SEZ6L: variants seen among roughly 807,000 people sequenced by gnomAD.
The protein encoded by SEZ6L is seizure 6-like protein.
In SEZ6L, 37 loss-of-function variants were observed where a neutral mutation model predicts 106.2. That is an observed-to-expected ratio of 0.35 (90% CI 0.27 to 0.46). SEZ6L has a LOEUF of 0.46. Among genes scored for constraint, SEZ6L ranks in the 20% least tolerant of loss-of-function variants. The pLI, the probability that SEZ6L is intolerant of heterozygous loss-of-function variation, is 1.00. For missense variants in SEZ6L, 1,172 were observed against 1,332.8 expected (o/e 0.88, Z 1.88); for synonymous variants, 541 against 570.4 (o/e 0.95, Z 0.73).
At chr22:26,305,007 T>C (rs1267825550) in intron 5 of SEZ6L, among the ~76,000 whole-genome samples, 1 of 152,230 alleles carries the variant, frequency 6.6e-6, no homozygotes, top group East Asian at 1.9e-4. Flanking sequence ...AGCCTATTGC[T>C]TCTCCGCTAC....
chr22:26,369,573 C>CTCG (rs1353154229), intron 13 of SEZ6L, among the ~76,000 whole-genome samples: 2 of 151,604 alleles, frequency 1.3e-5, no homozygotes, highest in Non-Finnish European at 2.9e-5. Flanking sequence ...ATCTCCTGAC[C>CTCG]TCGTGATTCG....
intron 1 of SEZ6L, among the ~76,000 whole-genome samples, chr22:26,236,619 G>A (rs996103667): frequency 2.6e-5 from 4 of 152,062 alleles, no homozygotes; most frequent in African/African-American, 9.7e-5. Flanking sequence ...TCAAATCTGG[G>A]GTCCCCCTGA....
intron 16 of SEZ6L, among the ~76,000 whole-genome samples, chr22:26,378,622 A>G (rs1257405497): frequency 6.6e-6 from 1 of 152,194 alleles, no homozygotes; most frequent in Non-Finnish European, 1.5e-5. Flanking sequence ...TCATTGAGAA[A>G]GTGAGAGTAA....
intron 1 of SEZ6L, among the ~76,000 whole-genome samples, chr22:26,285,663 G>A (rs1419798594): frequency 3.9e-5 from 6 of 152,148 alleles, no homozygotes; most frequent in East Asian, 1.9e-4. Context: ...ATGCTGCTCC[G>A]TTTCCTACAA....
At chr22:26,227,712 C>T (rs2078675843) in intron 1 of SEZ6L, among the ~76,000 whole-genome samples, 1 of 152,030 alleles carries the variant, frequency 6.6e-6, no homozygotes, top group African/African-American at 2.4e-5. Context: ...AGCCACCACA[C>T]CCACCCTTTG....
chr22:26,277,908 T>C (rs1454716966), intron 1 of SEZ6L, among the ~76,000 whole-genome samples: 1 of 152,216 alleles, frequency 6.6e-6, no homozygotes, highest in Non-Finnish European at 1.5e-5. Flanking sequence ...GGCTTATTTC[T>C]TTGGTGGAGT....
chr22:26,294,262 T>G, intron 2 of SEZ6L, 30 bp from the exon 3 acceptor site: 1 of 1,612,172 alleles, frequency 6.2e-7, no homozygotes, highest in Non-Finnish European at 8.5e-7. Context: ...AAGTTGTCTT[T>G]GGTGTCCTAA....
chr22:26,243,479 C>A (rs2079208830), intron 1 of SEZ6L, among the ~76,000 whole-genome samples: 1 of 152,166 alleles, frequency 6.6e-6, no homozygotes. Context: ...TGTGCAAAGG[C>A]CCTGAGGCAG....
intron 1 of SEZ6L, among the ~76,000 whole-genome samples, chr22:26,195,599 A>T (rs1254379265): frequency 6.6e-6 from 1 of 152,174 alleles, no homozygotes; most frequent in Non-Finnish European, 1.5e-5. Flanking sequence ...AATATGTAAA[A>T]ATTATCACTA....
At chr22:26,370,454 G>C (rs1470656278) in intron 13 of SEZ6L, among the ~76,000 whole-genome samples, 1 of 152,148 alleles carries the variant, frequency 6.6e-6, no homozygotes, top group Non-Finnish European at 1.5e-5. Context: ...TGGACAACGT[G>C]TTTGTATCTG....
rs909649653 is a variant in SEZ6L, at chr22:26,340,324, C to T, written c.2016-112C>T. On this transcript the variant is annotated intron_variant, in intron 9 of 16. Coordinates refer to ENST00000248933, the MANE Select transcript of SEZ6L (RefSeq NM_021115.5). ...TGGGGTTAAGACACATAGCCTGGAG[C>T]CTGACACATACACACTTAACAAATT... is the stretch of plus-strand genomic sequence containing the variant. 7.5e-6 allele frequency: 7 copies of T among 939,136 alleles called. No individual in the cohort carries two copies. In the East Asian group the frequency reaches 1.7e-4, roughly 23 times the overall value. The allele number at this position is 939,136 out of a possible 1,614,324, so 58.2% of individuals were successfully genotyped here. A position where few individuals can be genotyped will look rare whatever the true frequency, so the allele number is the denominator to read the frequency against.
chr22:26,345,148 G>A (rs899626542), intron 10 of SEZ6L, among the ~76,000 whole-genome samples: 3 of 152,140 alleles, frequency 2.0e-5, no homozygotes, highest in African/African-American at 4.8e-5. Context: ...CCATGGGGAC[G>A]GACCATTCTA....
At position 26,340,295 on chromosome 22, in the gene SEZ6L, A is replaced by T. The variant is rs969324338; in HGVS notation, c.2016-141A>T. Reference sequence around the variant, plus strand: ...TGCAGTCTATGTCAATCTTACCCTCAGCTTGGGGTTAAGACACATAGCCTG... The same window carrying T: ...TGCAGTCTATGTCAATCTTACCCTCTGCTTGGGGTTAAGACACATAGCCTG... On this transcript the variant is annotated intron_variant, in intron 9 of 16. Coordinates refer to ENST00000248933, the MANE Select transcript of SEZ6L (RefSeq NM_021115.5). The T allele has an allele frequency of 5.6e-6, 4 of 713,030 alleles. No homozygotes were observed. In the African/African-American group the frequency reaches 7.1e-5, roughly 13 times the overall value. 44.2% of individuals were successfully genotyped at this position (713,030 alleles called of 1,614,324 possible).
At position 26,310,752 on chromosome 22, in the gene SEZ6L, C is replaced by T; in HGVS notation, c.1597C>T (p.Leu533=). The T allele has an allele frequency of 3.1e-6, 5 of 1,614,188 alleles. No individual in the cohort carries two copies. The highest frequency in any genetic ancestry group is 8.5e-7 in the Non-Finnish European group (1 of 1,180,028). The part of the protein sequence containing the change: ...LQTESVPFEG[L]LSEGNTIRIE... ...AACCGAGAGTGTCCCTTTTGAGGGC[C>T]TGCTGAGCGAAGGCAACACCATCCG... Residue 533 remains leucine (L), a synonymous_variant, in exon 7 of 17, where the codon CTG becomes TTG. Transcript: ENST00000248933.
At chr22:26,370,846 A>G (rs550015304) in intron 13 of SEZ6L, among the ~76,000 whole-genome samples, 29 of 152,164 alleles carry the variant, frequency 1.9e-4, no homozygotes, top group African/African-American at 6.7e-4. Flanking sequence ...TCTACAAAAA[A>G]TCAAAAAATT....
At chr22:26,176,330 G>C (rs1939003291) in intron 1 of SEZ6L, among the ~76,000 whole-genome samples, 1 of 152,250 alleles carries the variant, frequency 6.6e-6, no homozygotes, top group Non-Finnish European at 1.5e-5. Flanking sequence ...AAATGGAAAT[G>C]GAGAGCTGAT....
intron 1 of SEZ6L, among the ~76,000 whole-genome samples, chr22:26,268,087 A>T (rs137179): frequency 6.6e-6 from 1 of 152,064 alleles, no homozygotes; most frequent in Non-Finnish European, 1.5e-5. Flanking sequence ...TGTGGCAAAT[A>T]GCCCAGGCCA....
intron 1 of SEZ6L, among the ~76,000 whole-genome samples, chr22:26,171,175 A>G (rs1406475530): frequency 1.3e-5 from 2 of 152,214 alleles, no homozygotes; most frequent in African/African-American, 4.8e-5. Flanking sequence ...AACAAAGCAT[A>G]TCATTGAAGA....
At chr22:26,343,414 TGAA>T (rs1013950087) in intron 10 of SEZ6L, among the ~76,000 whole-genome samples, 6 of 152,140 alleles carry the variant, frequency 3.9e-5, no homozygotes, top group African/African-American at 7.2e-5. Context: ...GGCAATATCT[TGAA>T]GAAGAAGTGT....
Sources: gnomAD v4.1 joint callset for allele counts (sites outside exome capture counted in the v4.1 genomes callset) on GRCh38, gnomAD v4.1.1 for gene constraint, MANE v1.5 for transcripts, NCBI Gene and HGNC (gene_info 2026-07-23, HGNC 2026-07-21) for gene names.